The following KANSL1 variants were observed in gnomAD, a reference collection of about 807,000 sequenced individuals.
The protein encoded by KANSL1 is MLL1/MLL complex subunit KANSL1.
In KANSL1, 22 loss-of-function variants were observed where a neutral mutation model predicts 103.6. That is an observed-to-expected ratio of 0.21 (90% CI 0.15 to 0.30). KANSL1 has a LOEUF of 0.30. KANSL1 is among the 10% of genes least tolerant of loss of function. The pLI, the probability that KANSL1 is intolerant of heterozygous loss-of-function variation, is 1.00. For synonymous variants in KANSL1, 600 were observed against 527.6 expected, an observed-to-expected ratio of 1.14 and a Z score of -1.88; for missense variants, 1,337 against 1,399.8, an observed-to-expected ratio of 0.96 and a Z score of 0.72.
chr17:46,041,686 T>C (rs1203856810), intron 7 of KANSL1: 1 of 152,194 alleles, frequency 6.6e-6, no homozygotes, highest in Admixed American at 6.6e-5. Context: ...CACTACTCCT[T>C]CTGCCCTTTA....
chr17:46,146,858 G>C (rs1260454612), intron 2 of KANSL1, among the ~76,000 whole-genome samples: 1 of 124,292 alleles, frequency 8.0e-6, no homozygotes, highest in Non-Finnish European at 1.6e-5. Flanking sequence ...AAAAAAAAAA[G>C]AAGTTGACAG....
At chr17:46,178,118 G>T (rs997015257) in intron 1 of KANSL1, among the ~76,000 whole-genome samples, 5 of 152,096 alleles carry the variant, frequency 3.3e-5, no homozygotes, top group African/African-American at 1.2e-4. Flanking sequence ...GCAAAACAAT[G>T]ATTCCTATCC....
intron 1 of KANSL1, among the ~76,000 whole-genome samples, chr17:46,190,336 T>G (rs1388073547): frequency 6.6e-6 from 1 of 152,270 alleles, no homozygotes; most frequent in Non-Finnish European, 1.5e-5. Context: ...AAGAGTGCTC[T>G]GCAGGTTTAA....
intron 7 of KANSL1, chr17:46,040,509 A>G (rs1446564590): frequency 6.6e-6 from 1 of 152,274 alleles, no homozygotes; most frequent in African/African-American, 2.4e-5. Flanking sequence ...TCCCAAGAAT[A>G]TATCCTTGAG....
chr17:46,076,325 G>A (rs369407861), intron 4 of KANSL1, among the ~76,000 whole-genome samples: 3 of 151,256 alleles, frequency 2.0e-5, no homozygotes, highest in Admixed American at 1.3e-4. Flanking sequence ...TGAAACCCCC[G>A]TCTCCACTAA....
chr17:46,184,499 T>C (rs1296225379), intron 1 of KANSL1, among the ~76,000 whole-genome samples: 3 of 152,216 alleles, frequency 2.0e-5, no homozygotes, highest in Non-Finnish European at 4.4e-5. Context: ...CCATTTAAAA[T>C]CTTTCACTGA....
intron 3 of KANSL1, 72 bp downstream of exon 3, chr17:46,094,486 TGG>T: frequency 6.6e-7 from 1 of 1,506,202 alleles, no homozygotes; most frequent in South Asian, 1.2e-5. Flanking sequence ...GGTTACGAGG[TGG>T]GAGGGGATGT....
At chr17:46,066,469 C>T in intron 6 of KANSL1, 68 bp downstream of exon 6, 2 of 1,384,608 alleles carry the variant, frequency 1.4e-6, no homozygotes, top group Non-Finnish European at 1.9e-6. Flanking sequence ...CCAAAGTTGG[C>T]AAGAGACTAA....
At chr17:46,152,411 T>C (rs1166238609) in intron 2 of KANSL1, among the ~76,000 whole-genome samples, 1 of 152,232 alleles carries the variant, frequency 6.6e-6, no homozygotes, top group Non-Finnish European at 1.5e-5. Flanking sequence ...CAGAATACTT[T>C]TTGAAGACGA....
intron 2 of KANSL1, among the ~76,000 whole-genome samples, 197 bp from the exon 3 acceptor site, chr17:46,094,898 C>T (rs1355963333): frequency 6.6e-6 from 1 of 152,166 alleles, no homozygotes; most frequent in Non-Finnish European, 1.5e-5. Context: ...AGGTATTTCC[C>T]AAATTAAGTG....
chr17:46,145,068 T>C (rs1165607241), intron 2 of KANSL1, among the ~76,000 whole-genome samples: 1 of 152,256 alleles, frequency 6.6e-6, no homozygotes, highest in African/African-American at 2.4e-5. Flanking sequence ...GAAATAATTC[T>C]TTTAGGATTG....
chr17:46,105,865 T>TCA (rs373943708), intron 2 of KANSL1, among the ~76,000 whole-genome samples: 7,739 of 133,908 alleles, frequency 0.058, 88 homozygotes, highest in Non-Finnish European at 0.072. Context: ...AGCAAGACCT[T>TCA]CACACACACA....
At chr17:46,135,561 T>TTTTG (rs1165041626) in intron 2 of KANSL1, among the ~76,000 whole-genome samples, 2 of 126,204 alleles carry the variant, frequency 1.6e-5, no homozygotes, top group African/African-American at 3.2e-5. Flanking sequence ...TTTTTTTTTT[T>TTTTG]GAGACAGAGT....
upstream of KANSL1, among the ~76,000 whole-genome samples, chr17:46,224,269 C>T (rs528463944): frequency 9.3e-4 from 141 of 152,284 alleles, 2 homozygotes; most frequent in Middle Eastern, 0.014. Flanking sequence ...GACTGAAGTA[C>T]TAGAAACAAA....
intron 1 of KANSL1, among the ~76,000 whole-genome samples, chr17:46,174,840 ATT>A (rs1390803191): frequency 6.6e-6 from 1 of 152,156 alleles, no homozygotes; most frequent in East Asian, 1.9e-4. Context: ...TGCCCGGCTA[ATT>A]TTTTGAATTT....
intron 2 of KANSL1, among the ~76,000 whole-genome samples, chr17:46,161,549 G>C (rs1330632549): frequency 6.6e-6 from 1 of 152,134 alleles, no homozygotes; most frequent in Non-Finnish European, 1.5e-5. Flanking sequence ...CTGCCACCCT[G>C]TTTCTTCCCA....
chr17:46,118,563 G>T (rs1015795731), intron 2 of KANSL1, among the ~76,000 whole-genome samples: 1 of 152,208 alleles, frequency 6.6e-6, no homozygotes, highest in African/African-American at 2.4e-5. Flanking sequence ...TCTGAAATGG[G>T]GTCCCAGAAT....
intron 2 of KANSL1, among the ~76,000 whole-genome samples, chr17:46,133,927 A>T (rs1288140145): frequency 6.6e-6 from 1 of 152,248 alleles, no homozygotes; most frequent in South Asian, 2.1e-4. Context: ...GAGATGAGTG[A>T]AATCAACAGA....
intron 7 of KANSL1, chr17:46,044,265 C>T (rs890428050): frequency 2.6e-5 from 4 of 152,042 alleles, no homozygotes; most frequent in South Asian, 2.1e-4. Flanking sequence ...GAAAATAAGA[C>T]GAATTACTAA....
Sources: gnomAD v4.1 joint callset for allele counts (sites outside exome capture counted in the v4.1 genomes callset) on GRCh38, gnomAD v4.1.1 for gene constraint, MANE v1.5 for transcripts, NCBI Gene and HGNC (gene_info 2026-07-23, HGNC 2026-07-21) for gene names.